Variants in TRAPPC10 observed in about 807,000 individuals in gnomAD.
TRAPPC10 encodes trafficking protein particle complex subunit 10, also known as TRAPP 130 kDa subunit.
Under a neutral mutation model 125.5 loss-of-function variants are expected in TRAPPC10, and 23 were observed. That is an observed-to-expected ratio of 0.18 (90% CI 0.13 to 0.26). TRAPPC10 has a LOEUF of 0.26. Ranked by LOEUF, TRAPPC10 falls within the 10% of genes least tolerant of loss-of-function variation. The probability of loss-of-function intolerance (pLI) is 1.00; values close to 1 mark genes in which losing one functional copy is unlikely to be tolerated. For missense variants in TRAPPC10, 1,123 were observed against 1,308.4 expected (o/e 0.86, Z 2.19); for synonymous variants, 509 against 518.0 (o/e 0.98, Z 0.24).
chr21:44,012,610 G>T, intron 1 of TRAPPC10, 50 bp downstream of exon 1: 1 of 1,494,314 alleles, frequency 6.7e-7, no homozygotes, highest in Non-Finnish European at 9.0e-7. Context: ...GCGGGCCCGG[G>T]CCCTGGCGTT....
chr21:44,081,215 C>T (rs2037716358), intron 13 of TRAPPC10, among the ~76,000 whole-genome samples: 1 of 151,792 alleles, frequency 6.6e-6, no homozygotes, highest in South Asian at 2.1e-4. Flanking sequence ...GGTTGGAGTG[C>T]AGTGGCATGA....
intron 13 of TRAPPC10, among the ~76,000 whole-genome samples, chr21:44,081,121 TC>T (rs1484828274): frequency 6.7e-6 from 1 of 148,990 alleles, no homozygotes; most frequent in African/African-American, 2.5e-5. Context: ...AGTCAAGAGA[TC>T]CTCTTACTTT....
chr21:44,034,990 A>G (rs2033884338), intron 2 of TRAPPC10, among the ~76,000 whole-genome samples: 1 of 152,186 alleles, frequency 6.6e-6, no homozygotes. Flanking sequence ...AGAATAAGCT[A>G]ATGTCCTAAG....
At chr21:44,091,602 G>T (rs1028893294) in intron 18 of TRAPPC10, among the ~76,000 whole-genome samples, 5 of 152,052 alleles carry the variant, frequency 3.3e-5, no homozygotes, top group African/African-American at 1.2e-4. Flanking sequence ...ACCACGTCTG[G>T]CTAATTTTTA....
intron 15 of TRAPPC10, among the ~76,000 whole-genome samples, chr21:44,086,008 C>A (rs1354172076): frequency 1.3e-5 from 2 of 152,258 alleles, no homozygotes; most frequent in Non-Finnish European, 2.9e-5. Context: ...TCTTGTGTGG[C>A]CACCAGCAAA....
At chr21:44,021,908 C>T (rs1312710295) in intron 1 of TRAPPC10, among the ~76,000 whole-genome samples, 2 of 152,114 alleles carry the variant, frequency 1.3e-5, no homozygotes, top group Non-Finnish European at 2.9e-5. Context: ...TGATCTCGGG[C>T]TTCTTGACCT....
chr21:44,020,813 C>T (rs1474982390), intron 1 of TRAPPC10, among the ~76,000 whole-genome samples: 1 of 152,062 alleles, frequency 6.6e-6, no homozygotes, highest in South Asian at 2.1e-4. Flanking sequence ...TGAGAAGGGC[C>T]GTCAGAAGTC....
intron 1 of TRAPPC10, 86 bp downstream of exon 1, chr21:44,012,646 AG>A: frequency 8.1e-7 from 1 of 1,238,204 alleles, no homozygotes; most frequent in Non-Finnish European, 1.1e-6. Context: ...CCAGACCTTC[AG>A]CCCCCGGCGC....
At chr21:44,045,176 G>C (rs895378115) in intron 3 of TRAPPC10, among the ~76,000 whole-genome samples, 1 of 151,908 alleles carries the variant, frequency 6.6e-6, no homozygotes, top group Non-Finnish European at 1.5e-5. Flanking sequence ...CTTGTGATCC[G>C]CCCGCCTCTG....
At chr21:44,074,760 T>C (rs2037149439) in intron 8 of TRAPPC10, among the ~76,000 whole-genome samples, 1 of 152,206 alleles carries the variant, frequency 6.6e-6, no homozygotes, top group Non-Finnish European at 1.5e-5. Flanking sequence ...CAGGCAGAGC[T>C]GTGCTGGTGT....
intron 1 of TRAPPC10, among the ~76,000 whole-genome samples, chr21:44,017,721 G>A (rs554909251): frequency 2.6e-5 from 4 of 152,104 alleles, no homozygotes; most frequent in South Asian, 2.1e-4. Context: ...CGGATTGGAC[G>A]CTGCTTCTCC....
intron 3 of TRAPPC10, among the ~76,000 whole-genome samples, chr21:44,040,608 G>T (rs1170321339): frequency 6.6e-6 from 1 of 152,052 alleles, no homozygotes; most frequent in Non-Finnish European, 1.5e-5. Flanking sequence ...AAAGTTCTGG[G>T]ATTACAGGTG....
chr21:44,047,565 T>TGCGCGC (rs58154844), intron 3 of TRAPPC10, among the ~76,000 whole-genome samples: 6 of 147,186 alleles, frequency 4.1e-5, no homozygotes, highest in African/African-American at 1.6e-4. Flanking sequence ...TGTGTGTGTG[T>TGCGCGC]GCGCGCACAC....
At chr21:44,069,161 G>A (rs1431563111) in intron 7 of TRAPPC10, among the ~76,000 whole-genome samples, 1 of 152,202 alleles carries the variant, frequency 6.6e-6, no homozygotes, top group Non-Finnish European at 1.5e-5. Context: ...CAGCCGTGAA[G>A]GAAGAGGGTC....
At position 44,087,583 on chromosome 21, in the gene TRAPPC10, G is replaced by T; in HGVS notation, c.2540-116G>T. 1.1e-6 allele frequency: 1 copy of T among 894,378 alleles called. No homozygotes were observed. The highest frequency in any genetic ancestry group is 1.5e-5 in the South Asian group (1 of 65,404). The allele number at this position is 894,378 out of a possible 1,614,324, so 55.4% of individuals were successfully genotyped here. The stretch of plus-strand genomic sequence containing the variant: ...GTTCTTGGGTTTGCCTGCCAGGTGC[G>T]CAGGAGCGGGAGAGGTTGAGCAGTG... On this transcript the variant is annotated intron_variant, in intron 16 of 22. Coordinates refer to ENST00000291574, the MANE Select transcript of TRAPPC10 (RefSeq NM_003274.5). The surrounding 1 kb of genome is among the most constrained non-coding windows in gnomAD (Gnocchi z 4.6).
rs751360922 is a variant in TRAPPC10 at position 44,083,152 on chromosome 21, C to T, written c.2088C>T (p.Cys696=). 2 of 1,614,206 alleles carry T rather than the reference C, an allele frequency of 1.2e-6. No homozygotes were observed. Among genetic ancestry groups the T allele is most frequent in the Admixed American group, 1.7e-5 (1 of 60,022 alleles). Residue 696 remains cysteine, a synonymous_variant, in exon 14 of 23, where the codon TGC becomes TGT. Transcript: ENST00000291574. Reference sequence around the variant, plus strand: ...CCTTGAACACGACTGGGATTATCTGCAGAAACGTCCACATGCTCCTGAGAA... The same window carrying T: ...CCTTGAACACGACTGGGATTATCTGTAGAAACGTCCACATGCTCCTGAGAA... ...DNSLNTTGII[C]RNVHMLLRRQ...
At chr21:44,054,744 G>C (rs1332228431) in intron 4 of TRAPPC10, among the ~76,000 whole-genome samples, 1 of 152,158 alleles carries the variant, frequency 6.6e-6, no homozygotes. Flanking sequence ...GCCTTTATTT[G>C]TTAATTGTTT....
At position 44,082,701 on chromosome 21, in the gene TRAPPC10, G is replaced by C; in HGVS notation, c.1724-87G>C. On this transcript the variant is annotated intron_variant, in intron 13 of 22. Transcript: ENST00000291574. This position sits in a 1 kb window ranked among gnomAD's most constrained non-coding sequence, Gnocchi z 4.4. ...CTGCTGCTTGCTTCAGTCTGCTCTC[G>C]GTGATCTTACTGTGTCCGCGGCCTG... 6.8e-7 allele frequency: 1 copy of C among 1,475,084 alleles called. No individual in the cohort carries two copies. Among genetic ancestry groups the C allele is most frequent in the South Asian group, 1.2e-5 (1 of 81,480 alleles). The allele number at this position is 1,475,084 out of a possible 1,614,324, so 91.4% of individuals were successfully genotyped here. A position where few individuals can be genotyped will look rare whatever the true frequency, so the allele number is the denominator to read the frequency against.
chr21:44,074,495 T>C, intron 8 of TRAPPC10, 25 bp downstream of exon 8: 2 of 1,613,818 alleles, frequency 1.2e-6, no homozygotes, highest in South Asian at 2.2e-5. Context: ...AAGTGTGGAA[T>C]GCTCACGTTG....
Sources: allele counts gnomAD v4.1 joint callset (sites outside exome capture counted in the v4.1 genomes callset), GRCh38; gene constraint gnomAD v4.1.1; non-coding constraint Gnocchi (gnomAD v3.1); transcripts MANE v1.5; gene names NCBI Gene and HGNC (gene_info 2026-07-23, HGNC 2026-07-21).